Variants in USP9X observed in about 807,000 individuals in gnomAD.
USP9X encodes the protein ubiquitin carboxyl-terminal hydrolase 9X.
USP9X carries 7 observed loss-of-function variants against 190.3 expected under a neutral mutation model. That is an observed-to-expected ratio of 0.04 (90% CI 0.02 to 0.07). The LOEUF (loss-of-function observed/expected upper bound fraction) is 0.07. USP9X is among the 10% of genes least tolerant of loss of function. The probability of loss-of-function intolerance (pLI) is 1.00; values close to 1 mark genes in which losing one functional copy is unlikely to be tolerated. For synonymous variants in USP9X, 645 were observed against 659.5 expected, an observed-to-expected ratio of 0.98 and a Z score of 0.34; for missense variants, 1,010 against 1,916.9, an observed-to-expected ratio of 0.53 and a Z score of 8.83.
chrX:41,099,704 A>C (rs2062021822), intron 1 of USP9X, among the ~76,000 whole-genome samples: 1 of 111,957 alleles, frequency 8.9e-6, no homozygotes, highest in Non-Finnish European at 1.9e-5. Flanking sequence ...GGCTTTTAAA[A>C]ATAAACTTAA....
chrX:41,229,743 G>A lies in USP9X; in HGVS notation c.7395G>A (p.Met2465Ile), dbSNP rs2063344093. 2 of 1,210,467 alleles carry A rather than the reference G, an allele frequency of 1.7e-6. No individual in the cohort carries two copies. Among genetic ancestry groups the A allele is most frequent in the African/African-American group, 3.5e-5 (2 of 57,317 alleles). ...YFLERSHSAR[M>I]TLAKACELCP... ...TGGAGAGATCACATAGTGCTAGGATGACACTTGCAAAAGCTTGTGAACTCT... is the reference window on the plus strand; with the variant it reads ...TGGAGAGATCACATAGTGCTAGGATAACACTTGCAAAAGCTTGTGAACTCT... The change falls in exon 43 of 45, where the codon ATG becomes ATA. Residue 2465 changes from methionine to isoleucine, a missense_variant. Around this residue, in one of 11 missense-constraint regions of USP9X, gnomAD observed 20 missense variants for 59.3 expected, o/e 0.34. Coordinates refer to ENST00000378308, the MANE Select transcript of USP9X (RefSeq NM_001039591.3).
At chrX:41,221,325 C>G (rs926673984) in intron 38 of USP9X, among the ~76,000 whole-genome samples, 1 of 111,610 alleles carries the variant, frequency 9.0e-6, no homozygotes, top group South Asian at 3.7e-4. Flanking sequence ...GGTTGTGGAC[C>G]TGTTTTTATT....
Position 41,136,804 on chromosome X carries a change from A to G in USP9X, c.436A>G (p.Arg146Gly), listed in dbSNP as rs763433750. The G allele has an allele frequency of 8.3e-7, 1 of 1,201,710 alleles. No individual in the cohort carries two copies. Among genetic ancestry groups the G allele is most frequent in the African/African-American group, 1.7e-5 (1 of 57,630 alleles). ...ATCGCCTTTCCCCCTTGTATAACAG[A>G]GGTGTATTATTAACAATACTCATCG... is the stretch of plus-strand genomic sequence containing the variant. ...AVSGWKFEIH[R>G]CIINNTHRLV... Residue 146 changes from arginine to glycine, a missense_variant and splice_region_variant, in exon 6 of 45, where the codon AGG becomes GGG. Coordinates refer to ENST00000378308, the MANE Select transcript of USP9X (RefSeq NM_001039591.3).
chrX:41,192,725 A>C (rs925922121), intron 26 of USP9X, among the ~76,000 whole-genome samples: 1 of 111,590 alleles, frequency 9.0e-6, no homozygotes, highest in Admixed American at 9.5e-5. Flanking sequence ...TCAAATACCT[A>C]TTGTCTACAA....
chrX:41,136,259 C>T (rs1321342889), intron 5 of USP9X, among the ~76,000 whole-genome samples: 11 of 111,503 alleles, frequency 9.9e-5, no homozygotes, highest in East Asian at 5.7e-4. Flanking sequence ...CTCCTGGGTT[C>T]GAGCTATTCT....
At position 41,218,605 on chromosome X, in the gene USP9X, C is replaced by CA. The variant is rs1443034346; in HGVS notation, c.6435+9dup. The CA allele has an allele frequency of 8.4e-7, 1 of 1,188,353 alleles. No individual in the cohort carries two copies. Among genetic ancestry groups the CA allele is most frequent in the South Asian group, 1.8e-5 (1 of 55,698 alleles). Reference sequence around the variant, plus strand: ...CCTGGACCTTCTAGTCAGGTAATTGCACAGCTTTCTTTCTAAATGATGAGA... The same window carrying CA: ...CCTGGACCTTCTAGTCAGGTAATTGCAACAGCTTTCTTTCTAAATGATGAGA... On this transcript the variant is annotated intron_variant, in intron 37 of 44. Coordinates refer to ENST00000378308, the MANE Select transcript of USP9X (RefSeq NM_001039591.3).
chrX:41,152,864 G>T lies in USP9X; in HGVS notation c.1764-84G>T, dbSNP rs774058444. Reference sequence around the variant, plus strand: ...TAATTTTTAAGTTTTTACATCAGTAGCTAAGAATTTAGATAGTACGAACTC... The same window carrying T: ...TAATTTTTAAGTTTTTACATCAGTATCTAAGAATTTAGATAGTACGAACTC... On this transcript the variant is annotated intron_variant, in intron 13 of 44. Coordinates refer to ENST00000378308, the MANE Select transcript of USP9X (RefSeq NM_001039591.3). 96 of 990,333 alleles carry T rather than the reference G, an allele frequency of 9.7e-5. No homozygotes were observed. In the African/African-American group the frequency reaches 1.6e-3, roughly 17 times the overall value. 81.6% of individuals were successfully genotyped at this position (990,333 alleles called of 1,213,427 possible).
chrX:41,157,118 A>T (rs2062586014), intron 14 of USP9X, among the ~76,000 whole-genome samples: 1 of 111,799 alleles, frequency 8.9e-6, no homozygotes, highest in African/African-American at 3.3e-5. Flanking sequence ...CCTCACCAGT[A>T]CAGTGGACTT....
chrX:41,141,025 C>G lies in USP9X; in HGVS notation c.830C>G (p.Pro277Arg). ...CATACAGTGAAAAAGTACTTTCTTC[C>G]AATAATAGAAATGGTTCCACAGTTT... ...TLHTVKKYFLPIIEMVPQFLE... is the reference protein window; with the variant it reads ...TLHTVKKYFLRIIEMVPQFLE... Residue 277 changes from proline (P) to arginine (R), a missense_variant, in exon 8 of 45, where the codon CCA (proline) becomes CGA (arginine). Coordinates refer to ENST00000378308, the MANE Select transcript of USP9X (RefSeq NM_001039591.3). The G allele has an allele frequency of 8.3e-7, 1 of 1,204,475 alleles. No individual in the cohort carries two copies. The highest frequency in any genetic ancestry group is 1.1e-6 in the Non-Finnish European group (1 of 892,403).
intron 1 of USP9X, among the ~76,000 whole-genome samples, chrX:41,103,025 C>T (rs1254374841): frequency 9.0e-6 from 1 of 111,020 alleles, no homozygotes; most frequent in Non-Finnish European, 1.9e-5. Flanking sequence ...AACTCCTGAC[C>T]TCAGGTGATC....
intron 14 of USP9X, among the ~76,000 whole-genome samples, chrX:41,153,602 C>A (rs1251935116): frequency 5.4e-5 from 6 of 111,928 alleles, no homozygotes; most frequent in Admixed American, 1.9e-4. Context: ...GATAAAGTTT[C>A]CTGTGATTTC....
rs1243869903 is a variant in USP9X at position 41,131,063 on chromosome X, G to A, written c.243-394G>A. On this transcript the variant is annotated intron_variant, in intron 3 of 44. Coordinates refer to ENST00000378308, the MANE Select transcript of USP9X (RefSeq NM_001039591.3). ...TACCAAAAAAAAAAAGGGGGGTGGC[G>A]GGGCAATGAAGAGGTTTATCATAAT... is the stretch of plus-strand genomic sequence containing the variant. Among the ~76,000 whole-genome samples, 4 of 110,073 alleles carry A rather than the reference G, an allele frequency of 3.6e-5. No homozygotes were observed. The East Asian group carries it at 8.4e-4, about 23-fold the overall frequency.
At chrX:41,222,135 CAGTA>C (rs1479980929) in intron 38 of USP9X, among the ~76,000 whole-genome samples, 1 of 111,617 alleles carries the variant, frequency 9.0e-6, no homozygotes, top group Non-Finnish European at 1.9e-5. Context: ...TACAGTAGAA[CAGTA>C]AGTAATTTGT....
chrX:41,163,413 C>T (rs1443334394), intron 15 of USP9X, among the ~76,000 whole-genome samples: 1 of 106,090 alleles, frequency 9.4e-6, no homozygotes, highest in Non-Finnish European at 1.9e-5. Context: ...CAATATTTAG[C>T]GTTTGGTGAT....
At chrX:41,184,249 G>C in intron 22 of USP9X, 121 bp downstream of exon 22, 1 of 1,001,141 alleles carries the variant, frequency 1.0e-6, no homozygotes, top group Non-Finnish European at 1.3e-6. Flanking sequence ...AAATTGTAAT[G>C]AAGTAGTTTT....
intron 14 of USP9X, among the ~76,000 whole-genome samples, chrX:41,154,809 T>C (rs183172083): frequency 9.0e-4 from 100 of 111,494 alleles, no homozygotes; most frequent in African/African-American, 3.0e-3. Flanking sequence ...TACCTTTTTT[T>C]CCTCCTAACC....
intron 38 of USP9X, among the ~76,000 whole-genome samples, chrX:41,219,858 G>A (rs188939251): frequency 9.0e-6 from 1 of 111,313 alleles, no homozygotes; most frequent in Non-Finnish European, 1.9e-5. Context: ...AGTGGCATAT[G>A]CCTGTAGTCC....
chrX:41,119,546 G>A (rs1337979192), intron 1 of USP9X, among the ~76,000 whole-genome samples: 1 of 111,276 alleles, frequency 9.0e-6, no homozygotes, highest in Non-Finnish European at 1.9e-5. Context: ...CCCTTGGAGA[G>A]GGTATACAAT....
In USP9X at chrX:41,172,286, G is replaced by A. The variant is rs779651487; in HGVS notation, c.3148+328G>A. On this transcript the variant is annotated intron_variant, in intron 21 of 44. Transcript: ENST00000378308. Reference sequence around the variant, plus strand: ...ACTGCTTTTGTCTTAAAATAGCACCGCCCAGGAGTTGTGGCAGAGGCCATA... The same window carrying A: ...ACTGCTTTTGTCTTAAAATAGCACCACCCAGGAGTTGTGGCAGAGGCCATA... Among the ~76,000 whole-genome samples the A allele has an allele frequency of 8.9e-5, 10 of 111,742 alleles. No individual in the cohort carries two copies. In the East Asian group the frequency reaches 1.7e-3, roughly 19 times the overall value.
Sources: gnomAD v4.1 joint callset for allele counts (sites outside exome capture counted in the v4.1 genomes callset) on GRCh38, gnomAD v4.1.1 for gene constraint, gnomAD v4.1.1 regional missense constraint, MANE v1.5 for transcripts, NCBI Gene and HGNC (gene_info 2026-07-23, HGNC 2026-07-21) for gene names.